PRIM2: variants seen among roughly 807,000 people sequenced by gnomAD.
PRIM2 encodes the protein DNA primase subunit 2.
A neutral mutation model predicts 67.3 loss-of-function variants in PRIM2; 39 were observed. That is an observed-to-expected ratio of 0.58 (90% CI 0.45 to 0.76). The LOEUF (loss-of-function observed/expected upper bound fraction) is 0.76. PRIM2 is among the 30% of genes least tolerant of loss of function. The pLI is 0.00. For missense variants in PRIM2, 398 were observed against 598.7 expected (o/e 0.66, Z 3.50); for synonymous variants, 143 against 198.7 (o/e 0.72, Z 2.36).
the PRIM2 span, among the ~76,000 whole-genome samples, chr6:57,302,590 T>C: frequency 6.6e-6 from 1 of 152,196 alleles, no homozygotes; most frequent in Non-Finnish European, 1.5e-5. Flanking sequence ...TAAAGCATAT[T>C]TTTCTGCCTT....
chr6:57,497,184 G>T (rs1445688718), intron 7 of PRIM2, among the ~76,000 whole-genome samples: 2 of 152,160 alleles, frequency 1.3e-5, no homozygotes, highest in African/African-American at 4.8e-5. Context: ...GACATTAAAA[G>T]AAGTTGATGG....
the PRIM2 span, among the ~76,000 whole-genome samples, chr6:57,226,394 G>A: frequency 6.6e-6 from 1 of 152,180 alleles, no homozygotes; most frequent in Non-Finnish European, 1.5e-5. Context: ...AAGCCTTTAA[G>A]CAGAGACAGC....
At chr6:57,341,328 T>G (rs1289078076) in intron 5 of PRIM2, among the ~76,000 whole-genome samples, 4 of 152,172 alleles carry the variant, frequency 2.6e-5, no homozygotes, top group Non-Finnish European at 5.9e-5. Context: ...TTTTGAAATA[T>G]AAACCATAGA....
chr6:57,466,349 G>A (rs1200226042), intron 7 of PRIM2, among the ~76,000 whole-genome samples: 6 of 152,278 alleles, frequency 3.9e-5, no homozygotes, highest in East Asian at 3.9e-4. Flanking sequence ...TAATGGGATC[G>A]CTGGGTCAAA....
chr6:57,586,750 C>G (rs1389733143), intron 10 of PRIM2, among the ~76,000 whole-genome samples: 1 of 152,106 alleles, frequency 6.6e-6, no homozygotes, highest in African/African-American at 2.4e-5. Flanking sequence ...CTAGTCCAGC[C>G]CAGGCTTGCC....
chr6:57,330,153 A>G (rs1028282864), intron 5 of PRIM2, among the ~76,000 whole-genome samples: 4 of 151,642 alleles, frequency 2.6e-5, no homozygotes, highest in Admixed American at 2.6e-4. Context: ...ATGTCTTTCT[A>G]TTTATTTAGA....
chr6:57,633,655 A>G (rs1200458215), intron 13 of PRIM2, among the ~76,000 whole-genome samples: 3 of 151,938 alleles, frequency 2.0e-5, no homozygotes, highest in South Asian at 2.1e-4. Context: ...ATGGAAGACA[A>G]TTTTTCCATG....
chr6:57,594,307 C>T (rs1367177698), intron 10 of PRIM2, among the ~76,000 whole-genome samples: 5 of 152,236 alleles, frequency 3.3e-5, no homozygotes, highest in African/African-American at 7.2e-5. Context: ...TAAAAGAAAT[C>T]GGCAAGCCAA....
At chr6:57,542,938 G>GGTTTT (rs1581980392) in intron 10 of PRIM2, among the ~76,000 whole-genome samples, 1 of 56,886 alleles carries the variant, frequency 1.8e-5, no homozygotes, top group Non-Finnish European at 3.3e-5. Flanking sequence ...CTGCTTATAG[G>GGTTTT]ATTTTTTTTT....
At chr6:57,376,112 C>T (rs2127329001) in intron 5 of PRIM2, among the ~76,000 whole-genome samples, 1 of 152,008 alleles carries the variant, frequency 6.6e-6, no homozygotes, top group Middle Eastern at 3.4e-3. Context: ...GCCTGTAGTC[C>T]CAATTACTCA....
intron 10 of PRIM2, among the ~76,000 whole-genome samples, chr6:57,594,258 A>G (rs1275922552): frequency 2.0e-5 from 3 of 152,376 alleles, no homozygotes; most frequent in South Asian, 4.1e-4. Context: ...TTGTGAAGAC[A>G]TAAACTACTG....
intron 7 of PRIM2, among the ~76,000 whole-genome samples, chr6:57,390,374 A>G (rs1770293995): frequency 1.3e-5 from 2 of 152,130 alleles, no homozygotes; most frequent in Non-Finnish European, 2.9e-5. Context: ...TCTGTTGTCT[A>G]TTCAACACAT....
intron 7 of PRIM2, among the ~76,000 whole-genome samples, chr6:57,422,730 A>G (rs1245190184): frequency 2.6e-5 from 4 of 151,990 alleles, no homozygotes; most frequent in Non-Finnish European, 5.9e-5. Flanking sequence ...TGGTATGGCT[A>G]GTATACAAAT....
intron 10 of PRIM2, among the ~76,000 whole-genome samples, chr6:57,546,816 C>T (rs1438657637): frequency 6.6e-6 from 1 of 152,132 alleles, no homozygotes; most frequent in Non-Finnish European, 1.5e-5. Flanking sequence ...GATCTTATAG[C>T]AAACCAATTG....
chr6:57,447,945 A>T (rs1026136467), intron 7 of PRIM2, among the ~76,000 whole-genome samples: 3 of 152,202 alleles, frequency 2.0e-5, no homozygotes, highest in African/African-American at 7.2e-5. Context: ...AGAGAAAAAT[A>T]TTCCCAGGCT....
the PRIM2 span, among the ~76,000 whole-genome samples, chr6:57,282,637 CT>C: frequency 6.6e-6 from 1 of 152,158 alleles, no homozygotes; most frequent in Non-Finnish European, 1.5e-5. Flanking sequence ...AAAATGAGGT[CT>C]TATGGCTGAT....
At chr6:57,266,378 G>A in the PRIM2 span, among the ~76,000 whole-genome samples, 1 of 152,132 alleles carries the variant, frequency 6.6e-6, no homozygotes, top group Non-Finnish European at 1.5e-5. Context: ...AGTCAAGAAT[G>A]AAGAATTCAT....
intron 7 of PRIM2, among the ~76,000 whole-genome samples, chr6:57,404,504 G>C (rs1279245718): frequency 1.4e-5 from 2 of 144,790 alleles, no homozygotes; most frequent in Admixed American, 1.4e-4. Flanking sequence ...TTGCACCTCA[G>C]TGTACTGTTT....
rs946210730 is a variant in PRIM2 at position 57,338,395 on chromosome 6, G to T, written c.459+12350G>T. 2.6e-3 allele frequency among the ~76,000 whole-genome samples: 392 copies of T among 152,044 alleles called. 3 individuals carry two copies. Among genetic ancestry groups the T allele is most frequent in the Non-Finnish European group, 3.1e-3 (212 of 67,982 alleles). On this transcript the variant is annotated intron_variant, in intron 5 of 13. Transcript: ENST00000615550. ...CATCCTGATACCAAAGCCGGGCAGA[G>T]ACACAACCAAAAAAGAGAATTTGAG...
Sources: gnomAD v4.1 joint callset for allele counts (sites outside exome capture counted in the v4.1 genomes callset) on GRCh38, gnomAD v4.1.1 for gene constraint, MANE v1.5 for transcripts, NCBI Gene and HGNC (gene_info 2026-07-23, HGNC 2026-07-21) for gene names.